Variants in AKAP13 observed in about 807,000 individuals in gnomAD.
AKAP13 encodes A-kinase anchoring protein 13.
A neutral mutation model predicts 264.5 loss-of-function variants in AKAP13; 80 were observed. That is an observed-to-expected ratio of 0.30 (90% CI 0.25 to 0.36). The LOEUF (loss-of-function observed/expected upper bound fraction) is 0.36, where lower values mean the gene tolerates loss of function less well. Among genes scored for constraint, AKAP13 ranks in the 10% least tolerant of loss-of-function variants. The pLI, the probability that AKAP13 is intolerant of heterozygous loss-of-function variation, is 1.00. For synonymous variants in AKAP13, 1,380 were observed against 1,250.2 expected, an observed-to-expected ratio of 1.10 and a Z score of -2.19; for missense variants, 3,712 against 3,435.2, an observed-to-expected ratio of 1.08 and a Z score of -2.01.
At chr15:85,441,767 G>GTT (rs58189804) in intron 1 of AKAP13, among the ~76,000 whole-genome samples, 1,770 of 150,194 alleles carry the variant, frequency 0.012, 111 homozygotes, top group Admixed American at 0.1. Context: ...TCTCTTAAAA[G>GTT]TTTTTTTTTT....
chr15:85,727,454 G>A lies in AKAP13; in HGVS notation c.7078G>A (p.Glu2360Lys). Residue 2360 changes from glutamate to lysine, a missense_variant, in exon 29 of 37, where the codon GAA becomes AAA. This residue lies in a region of AKAP13 where 342 missense variants were observed against 484.3 expected (regional missense o/e 0.71). Transcript: ENST00000394518. This position sits in a 1 kb window ranked among gnomAD's most constrained non-coding sequence, Gnocchi z 5.3. ...EKKMLDTRAR[E>K]LKEQLHQKDQ... ...GAAAATGTTGGACACCAGAGCCCGAGAATTAAAAGGTGAGGCATTGCGAGT... is the reference window on the plus strand; with the variant it reads ...GAAAATGTTGGACACCAGAGCCCGAAAATTAAAAGGTGAGGCATTGCGAGT... The A allele has an allele frequency of 1.2e-6, 2 of 1,614,150 alleles. No homozygotes were observed. Among genetic ancestry groups the A allele is most frequent in the Non-Finnish European group, 1.7e-6 (2 of 1,179,980 alleles).
At chr15:85,577,876 G>T in intron 6 of AKAP13, 2 of 961,722 alleles carry the variant, frequency 2.1e-6, no homozygotes, top group Non-Finnish European at 2.5e-6. Flanking sequence ...AACTCAGTAA[G>T]TATTTAGGGC....
chr15:85,644,537 G>C (rs563839729), intron 9 of AKAP13, among the ~76,000 whole-genome samples: 3 of 149,570 alleles, frequency 2.0e-5, no homozygotes, highest in Middle Eastern at 3.4e-3. Context: ...CACCATGCCC[G>C]GCCATGACTT....
rs982259321 is a variant in AKAP13 at position 85,542,258 on chromosome 15, T to C, written c.479-1514T>C. ...AGTTGTTGCTTCTGGGGCATAATCTTTCCAGCCATGTGCCTCTGGTTAAAC... is the reference window on the plus strand; with the variant it reads ...AGTTGTTGCTTCTGGGGCATAATCTCTCCAGCCATGTGCCTCTGGTTAAAC... On this transcript the variant is annotated intron_variant, in intron 4 of 36. Coordinates refer to ENST00000394518, the MANE Select transcript of AKAP13 (RefSeq NM_007200.5). Among the ~76,000 whole-genome samples the C allele has an allele frequency of 2.6e-5, 4 of 152,348 alleles. 1 individual carries two copies. In the South Asian group the frequency reaches 8.3e-4, roughly 32 times the overall value.
At chr15:85,743,299 A>C (rs186698975) in intron 35 of AKAP13, among the ~76,000 whole-genome samples, 193 bp from the exon 36 acceptor site, 51 of 152,244 alleles carry the variant, frequency 3.3e-4, no homozygotes, top group African/African-American at 1.2e-3. Context: ...ATGTTTATAG[A>C]TACTACTTGG....
chr15:85,741,157 C>G lies in AKAP13; in HGVS notation c.7720C>G (p.Gln2574Glu), dbSNP rs2088942806. Residue 2574 changes from glutamine to glutamate, a missense_variant, in exon 35 of 37, where the codon CAG (glutamine) becomes GAG (glutamate). Gln to Glu is a conservative substitution (Grantham distance 29). Around this residue, in one of 3 missense-constraint regions of AKAP13, gnomAD observed 611 missense variants for 539.3 expected, o/e 1.13. Coordinates refer to ENST00000394518, the MANE Select transcript of AKAP13 (RefSeq NM_007200.5). ...GAGCTCCCTCATTGAGCAGGAGAAG[C>G]AGCGCAGCCTGGAGAAGCAGCGCCA... The part of the protein sequence containing the change: ...RPSSLIEQEK[Q>E]RSLEKQRQDL... 4 of 1,613,138 alleles carry G rather than the reference C, an allele frequency of 2.5e-6. No homozygotes were observed. The highest frequency in any genetic ancestry group is 3.4e-6 in the Non-Finnish European group (4 of 1,179,626).
At chr15:85,642,505 G>C (rs2082352659) in intron 9 of AKAP13, among the ~76,000 whole-genome samples, 1 of 152,200 alleles carries the variant, frequency 6.6e-6, no homozygotes, top group Admixed American at 6.5e-5. Context: ...TGTGACACAG[G>C]GTGTGGATTA....
rs758773901 is a variant in AKAP13 at position 85,585,684 on chromosome 15, AC to A, written c.4040-12del. 8.1e-6 allele frequency: 13 copies of A among 1,613,978 alleles called. No homozygotes were observed. The East Asian group carries it at 2.7e-4, about 33-fold the overall frequency. Reference sequence around the variant, plus strand: ...TCAGTTTTTAAAAATGTACTCTGTAACCCCCCTGCACTTTCAGAAATGCCAG... The same window carrying A: ...TCAGTTTTTAAAAATGTACTCTGTAACCCCCTGCACTTTCAGAAATGCCAG... On this transcript the variant is annotated splice_polypyrimidine_tract_variant and intron_variant, in intron 7 of 36. Coordinates refer to ENST00000394518, the MANE Select transcript of AKAP13 (RefSeq NM_007200.5).
chr15:85,560,310 C>T (rs562420948), intron 5 of AKAP13, among the ~76,000 whole-genome samples: 1 of 151,990 alleles, frequency 6.6e-6, no homozygotes, highest in Non-Finnish European at 1.5e-5. Context: ...CCAGGCCGGG[C>T]TAATTTTTTT....
chr15:85,734,930 T>C, intron 30 of AKAP13, 62 bp from the exon 31 acceptor site: 1 of 1,584,310 alleles, frequency 6.3e-7, no homozygotes, highest in Admixed American at 1.8e-5. Context: ...ATATATACTA[T>C]GAACTTGTTT....
chr15:85,611,337 T>C (rs1037785418), intron 8 of AKAP13, among the ~76,000 whole-genome samples: 2 of 152,192 alleles, frequency 1.3e-5, no homozygotes, highest in Non-Finnish European at 2.9e-5. Flanking sequence ...TCAGATTCAC[T>C]GTGTCTAAAA....
chr15:85,469,934 A>G (rs1006786578), intron 1 of AKAP13, among the ~76,000 whole-genome samples: 2 of 152,226 alleles, frequency 1.3e-5, no homozygotes, highest in African/African-American at 4.8e-5. Flanking sequence ...ACCTCTCGCT[A>G]CATGGGAAAG....
intron 33 of AKAP13, among the ~76,000 whole-genome samples, chr15:85,739,574 G>T (rs922814416): frequency 1.3e-5 from 2 of 151,610 alleles, no homozygotes; most frequent in African/African-American, 4.8e-5. Flanking sequence ...TTTTTACATA[G>T]AAATTTTTGA....
chr15:85,465,807 A>C (rs2074715544), intron 1 of AKAP13, among the ~76,000 whole-genome samples: 1 of 150,674 alleles, frequency 6.6e-6, no homozygotes. Context: ...GTGCCGCAAT[A>C]AACATACGTG....
chr15:85,684,436 G>A (rs1342699386), intron 15 of AKAP13: 1 of 201,512 alleles, frequency 5.0e-6, no homozygotes, highest in East Asian at 1.2e-4. Flanking sequence ...GGTGGCATGT[G>A]CCTTTAGTCC....
chr15:85,456,699 C>T (rs552738259), intron 1 of AKAP13, among the ~76,000 whole-genome samples: 128 of 152,012 alleles, frequency 8.4e-4, no homozygotes, highest in African/African-American at 1.3e-3. Flanking sequence ...TACAGGCGCC[C>T]GCCACCACGC....
At chr15:85,645,685 G>C in intron 9 of AKAP13, 133 bp from the exon 10 acceptor site, 1 of 944,610 alleles carries the variant, frequency 1.1e-6, no homozygotes, top group Non-Finnish European at 1.5e-6. Context: ...GAAATAAGGA[G>C]GGAAGGAAGA....
At chr15:85,611,519 T>C (rs1458868526) in intron 8 of AKAP13, among the ~76,000 whole-genome samples, 1 of 151,118 alleles carries the variant, frequency 6.6e-6, no homozygotes, top group Non-Finnish European at 1.5e-5. Context: ...TCGGTTTCTT[T>C]TCTTGAGCTC....
chr15:85,416,430 C>T (rs1384874609), intron 1 of AKAP13, among the ~76,000 whole-genome samples: 1 of 152,150 alleles, frequency 6.6e-6, no homozygotes, highest in Non-Finnish European at 1.5e-5. Context: ...GCTGGTAAGC[C>T]ACTTTAGAAA....
Sources: allele counts gnomAD v4.1 joint callset (sites outside exome capture counted in the v4.1 genomes callset), GRCh38; gene constraint gnomAD v4.1.1; regional missense constraint gnomAD v4.1.1; non-coding constraint Gnocchi (gnomAD v3.1); transcripts MANE v1.5; gene names NCBI Gene and HGNC (gene_info 2026-07-23, HGNC 2026-07-21).